MYRIP: variants seen among roughly 807,000 people sequenced by gnomAD.
The protein encoded by MYRIP is rab effector MyRIP.
A neutral mutation model predicts 98.0 loss-of-function variants in MYRIP; 49 were observed. The observed-to-expected ratio is 0.50, with a 90% CI of 0.40 to 0.63. MYRIP has a LOEUF of 0.63. MYRIP is among the 30% of genes least tolerant of loss of function. MYRIP has a pLI of 0.00. For missense variants in MYRIP, 1,004 were observed against 1,058.2 expected, an observed-to-expected ratio of 0.95 and a Z score of 0.71; for synonymous variants, 404 against 409.5, an observed-to-expected ratio of 0.99 and a Z score of 0.16.
At chr3:39,986,238 A>G (rs1427152391) in intron 2 of MYRIP, among the ~76,000 whole-genome samples, 1 of 152,232 alleles carries the variant, frequency 6.6e-6, no homozygotes, top group Non-Finnish European at 1.5e-5. Flanking sequence ...CATTAGAGTC[A>G]GAGCACATGT....
intron 2 of MYRIP, among the ~76,000 whole-genome samples, chr3:40,018,028 G>A (rs1315530896): frequency 2.6e-5 from 4 of 152,134 alleles, no homozygotes; most frequent in African/African-American, 9.7e-5. Context: ...CTTTAAACTA[G>A]AAGTTTTCTC....
rs537957989 is a variant in MYRIP at position 39,986,432 on chromosome 3, C to G, written c.111-57618C>G. On this transcript the variant is annotated intron_variant, in intron 2 of 16. Coordinates refer to ENST00000302541, the MANE Select transcript of MYRIP (RefSeq NM_015460.4). ...CTCTTCCTCCCCACTCCCTCTCTGT[C>G]TCTTTCTCTCCCTCTCTCTCTCCCT... is the stretch of plus-strand genomic sequence containing the variant. Among the ~76,000 whole-genome samples, 3 of 149,580 alleles carry G rather than the reference C, an allele frequency of 2.0e-5. No homozygotes were observed. The East Asian group carries it at 5.8e-4, about 29-fold the overall frequency.
intron 2 of MYRIP, among the ~76,000 whole-genome samples, chr3:39,935,165 T>C (rs1944630061): frequency 6.6e-6 from 1 of 152,110 alleles, no homozygotes; most frequent in Non-Finnish European, 1.5e-5. Context: ...GCACTATTGG[T>C]TTAAGATTCT....
intron 5 of MYRIP, chr3:40,163,071 T>C: frequency 2.8e-6 from 1 of 357,054 alleles, no homozygotes; most frequent in South Asian, 4.8e-5. Flanking sequence ...TAGTAAATAT[T>C]CTTCTGGAGT....
intron 11 of MYRIP, among the ~76,000 whole-genome samples, chr3:40,219,814 T>C (rs1481918539): frequency 2.0e-5 from 3 of 151,868 alleles, no homozygotes; most frequent in African/African-American, 4.8e-5. Context: ...TGTGTCTTTA[T>C]AGCAGCATGA....
chr3:40,202,345 A>C (rs186176993), intron 10 of MYRIP, among the ~76,000 whole-genome samples: 1 of 152,222 alleles, frequency 6.6e-6, no homozygotes, highest in East Asian at 1.9e-4. Flanking sequence ...ACTTTTTCTC[A>C]GACTGGGGTT....
At chr3:40,158,121 T>C (rs1356018539) in intron 4 of MYRIP, among the ~76,000 whole-genome samples, 1 of 152,220 alleles carries the variant, frequency 6.6e-6, no homozygotes, top group Non-Finnish European at 1.5e-5. Context: ...CTGCTTTCTC[T>C]TGTGGGCATT....
chr3:40,104,448 T>C (rs1452503662), intron 3 of MYRIP, among the ~76,000 whole-genome samples: 1 of 152,208 alleles, frequency 6.6e-6, no homozygotes, highest in Non-Finnish European at 1.5e-5. Flanking sequence ...AAGTAATCGG[T>C]GTCTACTTGC....
intron 1 of MYRIP, among the ~76,000 whole-genome samples, chr3:39,829,944 C>T (rs888080010): frequency 1.3e-5 from 2 of 152,148 alleles, no homozygotes; most frequent in Non-Finnish European, 2.9e-5. Flanking sequence ...ATCTCTCCTC[C>T]ACCTGGCCCT....
Position 40,012,189 on chromosome 3 carries a change from G to A in MYRIP, c.111-31861G>A, listed in dbSNP as rs1346969370. Among the ~76,000 whole-genome samples the A allele has an allele frequency of 2.0e-5, 3 of 152,274 alleles. No individual in the cohort carries two copies. In the East Asian group the frequency reaches 5.8e-4, roughly 29 times the overall value. On this transcript the variant is annotated intron_variant, in intron 2 of 16. Coordinates refer to ENST00000302541, the MANE Select transcript of MYRIP (RefSeq NM_015460.4). ...CGGTTTATCTCACAGCTTCAGTCATGTTCTTCAATCAAGTGTAGATGACAA... is the reference window on the plus strand; with the variant it reads ...CGGTTTATCTCACAGCTTCAGTCATATTCTTCAATCAAGTGTAGATGACAA...
intron 12 of MYRIP, among the ~76,000 whole-genome samples, chr3:40,243,030 A>AGAAACAGAATTTCTCTGTAT (rs1437929862): frequency 4.6e-5 from 7 of 152,134 alleles, no homozygotes; most frequent in Middle Eastern, 3.2e-3. Context: ...AAGATCTCTT[A>AGAAACAGAATTTCTCTGTAT]GAAACAGAAT....
intron 3 of MYRIP, among the ~76,000 whole-genome samples, chr3:40,127,763 C>A (rs2679826): frequency 1.3e-5 from 2 of 152,166 alleles, no homozygotes; most frequent in African/African-American, 4.8e-5. Flanking sequence ...ACTACAGACA[C>A]GGTACAGCGT....
chr3:40,140,443 C>T lies in MYRIP; in HGVS notation c.333-10605C>T, dbSNP rs531350215. On this transcript the variant is annotated intron_variant, in intron 3 of 16. Transcript: ENST00000302541. Reference sequence around the variant, plus strand: ...AAACATGGGGGTGCAGATGTCTCTTCGGTATAATGATTTCCTTTCATTTGG... The same window carrying T: ...AAACATGGGGGTGCAGATGTCTCTTTGGTATAATGATTTCCTTTCATTTGG... Among the ~76,000 whole-genome samples, 16 of 152,246 alleles carry T rather than the reference C, an allele frequency of 1.1e-4. 1 individual carries two copies. The highest frequency in any genetic ancestry group is 5.2e-4 in the Admixed American group (8 of 15,296).
intron 3 of MYRIP, among the ~76,000 whole-genome samples, chr3:40,119,923 A>AAAT (rs1559408547): frequency 0.016 from 2,412 of 151,798 alleles, 70 homozygotes; most frequent in African/African-American, 0.053. Context: ...TAATAATAAT[A>AAAT]AAATAAATAA....
At chr3:40,002,403 C>T (rs1284047617) in intron 2 of MYRIP, among the ~76,000 whole-genome samples, 4 of 151,908 alleles carry the variant, frequency 2.6e-5, no homozygotes, top group African/African-American at 4.8e-5. Flanking sequence ...GGCATAGTGG[C>T]GTGTGCCTGT....
intron 10 of MYRIP, chr3:40,208,895 C>T (rs1951848085): frequency 6.6e-6 from 1 of 152,222 alleles, no homozygotes. Flanking sequence ...TCTCCATTCC[C>T]ACCCTATTGG....
chr3:39,902,426 G>A (rs1163937254), intron 2 of MYRIP, among the ~76,000 whole-genome samples: 1 of 152,160 alleles, frequency 6.6e-6, no homozygotes, highest in African/African-American at 2.4e-5. Context: ...TTTCTACATG[G>A]TAGTGTTTTC....
chr3:39,894,260 TAAAG>T (rs796807258), intron 1 of MYRIP, among the ~76,000 whole-genome samples: 8 of 152,330 alleles, frequency 5.3e-5, no homozygotes, highest in African/African-American at 1.9e-4. Flanking sequence ...AGCACCCAGA[TAAAG>T]AAATGTCACC....
intron 3 of MYRIP, among the ~76,000 whole-genome samples, chr3:40,053,124 C>T (rs771365666): frequency 6.6e-6 from 1 of 152,084 alleles, no homozygotes; most frequent in African/African-American, 2.4e-5. Flanking sequence ...GGACTTGCTC[C>T]CTTCTCTCTT....
Sources: allele counts gnomAD v4.1 joint callset (sites outside exome capture counted in the v4.1 genomes callset), GRCh38; gene constraint gnomAD v4.1.1; transcripts MANE v1.5; gene names NCBI Gene and HGNC (gene_info 2026-07-23, HGNC 2026-07-21).